Variants in NFATC1 observed in about 807,000 individuals in gnomAD.
NFATC1 encodes the protein nuclear factor of activated T-cells, cytoplasmic 1.
NFATC1 carries 22 observed loss-of-function variants against 76.0 expected under a neutral mutation model. The observed-to-expected ratio is 0.29, with a 90% confidence interval of 0.21 to 0.41. The LOEUF (loss-of-function observed/expected upper bound fraction) is 0.41, where lower values mean the gene tolerates loss of function less well. Ranked by LOEUF, NFATC1 falls within the 10% of genes least tolerant of loss-of-function variation. The pLI is 1.00. For missense variants in NFATC1, 1,357 were observed against 1,337.7 expected (o/e 1.01, Z -0.23); for synonymous variants, 704 against 613.1 (o/e 1.15, Z -2.19).
Position 79,461,383 on chromosome 18 carries a change from C to T in NFATC1, c.1959+17C>T. The T allele has an allele frequency of 2.5e-6, 4 of 1,614,042 alleles. No homozygotes were observed. Among genetic ancestry groups the T allele is most frequent in the Non-Finnish European group, 3.4e-6 (4 of 1,179,958 alleles). ...TGCAAGCCGGTGAGTGCCTTTGGCG[C>T]AGCTGGAGCTACTGTGGGTCCCCAG... is the stretch of plus-strand genomic sequence containing the variant. On this transcript the variant is annotated intron_variant, in intron 7 of 9. Transcript: ENST00000427363.
chr18:79,487,070 G>C, intron 9 of NFATC1, 133 bp downstream of exon 9: 1 of 1,063,300 alleles, frequency 9.4e-7, no homozygotes, highest in Non-Finnish European at 1.3e-6. Flanking sequence ...TGTGGGGTGC[G>C]TCCTCCTGAT....
chr18:79,412,026 C>T (rs2085709149), intron 2 of NFATC1, among the ~76,000 whole-genome samples: 1 of 152,228 alleles, frequency 6.6e-6, no homozygotes, highest in South Asian at 2.1e-4. Context: ...TCAACAGTGC[C>T]CCAGAGCACC....
At chr18:79,414,089 C>T (rs1263734893) in intron 2 of NFATC1, among the ~76,000 whole-genome samples, 1 of 152,174 alleles carries the variant, frequency 6.6e-6, no homozygotes, top group Non-Finnish European at 1.5e-5. Context: ...TTCCAAGTGA[C>T]CTCGTCAGCG....
intron 8 of NFATC1, among the ~76,000 whole-genome samples, chr18:79,485,537 C>T (rs906870270): frequency 6.6e-6 from 1 of 152,250 alleles, no homozygotes; most frequent in African/African-American, 2.4e-5. Flanking sequence ...TCGGCTCTGG[C>T]CCGGGCCTGG....
chr18:79,409,534 A>ATC (rs147186241), intron 1 of NFATC1, among the ~76,000 whole-genome samples: 8,582 of 152,118 alleles, frequency 0.056, 773 homozygotes, highest in African/African-American at 0.19. Flanking sequence ...TCCATCATCC[A>ATC]TCCATTCATC....
chr18:79,448,663 AAGGGGGC>A, intron 3 of NFATC1, 112 bp from the exon 4 acceptor site: 1 of 916,930 alleles, frequency 1.1e-6, no homozygotes, highest in Non-Finnish European at 1.7e-6. Context: ...GAGAAATAAA[AAGGGGGC>A]AGGGCAGGGG....
intron 1 of NFATC1, among the ~76,000 whole-genome samples, chr18:79,396,700 G>C (rs1428425060): frequency 6.6e-6 from 1 of 152,212 alleles, no homozygotes; most frequent in Admixed American, 6.5e-5. Context: ...GTGGGAGGGA[G>C]GAAGGGAGGC....
At chr18:79,400,452 G>T in intron 1 of NFATC1, 1 of 1,490,484 alleles carries the variant, frequency 6.7e-7, no homozygotes, top group Non-Finnish European at 8.9e-7. Flanking sequence ...TAACCAGCGC[G>T]ACGAGGGCGC....
intron 9 of NFATC1, 77 bp downstream of exon 9, chr18:79,487,014 C>T: frequency 1.4e-6 from 2 of 1,458,740 alleles, no homozygotes; most frequent in East Asian, 2.3e-5. Context: ...CGTGTGCGTG[C>T]TGCGTGTGTG....
chr18:79,495,100 T>C (rs1244197612), intron 9 of NFATC1, among the ~76,000 whole-genome samples: 1 of 152,210 alleles, frequency 6.6e-6, no homozygotes, highest in Non-Finnish European at 1.5e-5. Flanking sequence ...CTGAGACGGG[T>C]GCTGAACAAG....
At chr18:79,515,134 C>T (rs1334726900) in intron 9 of NFATC1, among the ~76,000 whole-genome samples, 5 of 151,874 alleles carry the variant, frequency 3.3e-5, no homozygotes, top group East Asian at 1.9e-4. Flanking sequence ...CACTGTAGCT[C>T]GGGAGTTTGA....
At chr18:79,432,724 C>A (rs370464361) in intron 2 of NFATC1, among the ~76,000 whole-genome samples, 1 of 152,200 alleles carries the variant, frequency 6.6e-6, no homozygotes, top group Admixed American at 6.5e-5. Context: ...ATGCAAGAAC[C>A]CCTTGGGTGC....
intron 2 of NFATC1, among the ~76,000 whole-genome samples, chr18:79,411,952 C>G (rs1438868679): frequency 6.6e-6 from 1 of 152,118 alleles, no homozygotes; most frequent in Non-Finnish European, 1.5e-5. Flanking sequence ...TGGTTGCCTG[C>G]TGCTCCCGCT....
chr18:79,419,908 G>T (rs1046237595), intron 2 of NFATC1, among the ~76,000 whole-genome samples: 1 of 152,202 alleles, frequency 6.6e-6, no homozygotes, highest in South Asian at 2.1e-4. Context: ...GCAAATTAAC[G>T]TTTTTTGGAT....
chr18:79,486,836 T>G lies in NFATC1; in HGVS notation c.2681T>G (p.Leu894Arg). The G allele has an allele frequency of 6.2e-7, 1 of 1,611,936 alleles. No homozygotes were observed. The highest frequency in any genetic ancestry group is 8.5e-7 in the Non-Finnish European group (1 of 1,179,552). The change falls in exon 9 of 10, where the codon CTG (leucine) becomes CGG (arginine). Residue 894 changes from leucine (L) to arginine (R), a missense_variant. This residue lies in a region of NFATC1 where 424 missense variants were observed against 395.4 expected (regional missense o/e 1.07). Coordinates refer to ENST00000427363, the MANE Select transcript of NFATC1 (RefSeq NM_001278669.2). ...GAGTCTCCGACTGCCGGGCCACGGC[T>G]GCTGCCAGAGGTGCATGAGGACGGT... is the stretch of plus-strand genomic sequence containing the variant. Reference protein sequence around the residue: ...RDESPTAGPRLLPEVHEDGSP... With the variant: ...RDESPTAGPRRLPEVHEDGSP...
At chr18:79,506,186 C>T (rs1033800219) in intron 9 of NFATC1, among the ~76,000 whole-genome samples, 2 of 152,148 alleles carry the variant, frequency 1.3e-5, no homozygotes, top group South Asian at 2.1e-4. Flanking sequence ...AAGAGCGGTT[C>T]GCCGTGGGGT....
At position 79,447,180 on chromosome 18, in the gene NFATC1, C is replaced by G. The variant is rs548485907; in HGVS notation, c.1387-1602C>G. Among the ~76,000 whole-genome samples the G allele has an allele frequency of 5.3e-5, 8 of 152,374 alleles. No individual in the cohort carries two copies. In the East Asian group the frequency reaches 1.5e-3, roughly 29 times the overall value. ...TGACCACACGGCGGCTGAGGCTAAG[C>G]TGGAGCCACGGAGCAAGGGCCGCCT... On this transcript the variant is annotated intron_variant, in intron 3 of 9. Coordinates refer to ENST00000427363, the MANE Select transcript of NFATC1 (RefSeq NM_001278669.2).
intron 3 of NFATC1, among the ~76,000 whole-genome samples, chr18:79,440,283 G>A (rs372073440): frequency 1.2e-4 from 19 of 152,364 alleles, no homozygotes; most frequent in African/African-American, 4.6e-4. Context: ...TAATAGCGCA[G>A]AAGGGCCTCC....
At chr18:79,413,278 T>C (rs2085761608) in intron 2 of NFATC1, among the ~76,000 whole-genome samples, 1 of 152,194 alleles carries the variant, frequency 6.6e-6, no homozygotes, top group Non-Finnish European at 1.5e-5. Flanking sequence ...ACCCCACGTA[T>C]TTGTTTCCTG....
Sources: allele counts gnomAD v4.1 joint callset (sites outside exome capture counted in the v4.1 genomes callset), GRCh38; gene constraint gnomAD v4.1.1; regional missense constraint gnomAD v4.1.1; transcripts MANE v1.5; gene names NCBI Gene and HGNC (gene_info 2026-07-23, HGNC 2026-07-21).